Variants in PRICKLE4 observed in about 807,000 individuals in gnomAD.
The protein encoded by PRICKLE4 is prickle planar cell polarity protein 4.
PRICKLE4 carries 40 observed loss-of-function variants against 43.5 expected under a neutral mutation model. That is an observed-to-expected ratio of 0.92 (90% CI 0.71 to 1.20). The LOEUF (loss-of-function observed/expected upper bound fraction) is 1.20, where lower values mean the gene tolerates loss of function less well. Among genes scored for constraint, PRICKLE4 ranks in the 50% most tolerant of loss-of-function variants. The pLI is 0.00. For synonymous variants in PRICKLE4, 208 were observed against 197.4 expected, an observed-to-expected ratio of 1.05 and a Z score of -0.45; for missense variants, 527 against 491.2, an observed-to-expected ratio of 1.07 and a Z score of -0.69.
At chr6:41,781,703 C>T (rs1424161057) in intron 2 of PRICKLE4, among the ~76,000 whole-genome samples, 183 bp downstream of exon 2, 1 of 152,144 alleles carries the variant, frequency 6.6e-6, no homozygotes. Flanking sequence ...GATGATGACC[C>T]TCCTGTGCCC....
Position 41,787,066 on chromosome 6 carries a change from G to A in PRICKLE4, c.1092G>A (p.Lys364=). 6.2e-7 allele frequency: 1 copy of A among 1,613,426 alleles called. No individual in the cohort carries two copies. The highest frequency in any genetic ancestry group is 8.5e-7 in the Non-Finnish European group (1 of 1,180,012). ...GCGAGCGCCTTCCCCAGTCCTGGAA[G>A]ACCCCCGGAAGCCTCCAAGCAGAGG... ...FLGERLPQSW[K]TPGSLQAEDS... is the part of the protein sequence containing the mutation. The change falls in exon 8 of 8, where the codon AAG becomes AAA. Residue 364 remains lysine, a synonymous_variant. Transcript: ENST00000458694.
rs770166651 is a variant in PRICKLE4, at chr6:41,785,345, G to C, written c.387G>C (p.Glu129Asp). 2.7e-5 allele frequency: 44 copies of C among 1,613,836 alleles called. No homozygotes were observed. The highest frequency in any genetic ancestry group is 3.6e-5 in the Non-Finnish European group (43 of 1,179,988). Residue 129 changes from glutamate to aspartate, a missense_variant, in exon 6 of 8, where the codon GAG becomes GAC. Glu to Asp is a conservative substitution (Grantham distance 45, BLOSUM62 2). Transcript: ENST00000458694. Reference protein sequence around the residue: ...LEGHTCEKCRELLKPGEYGVF... With the variant: ...LEGHTCEKCRDLLKPGEYGVF... ...CACCTCCCCTCTGACAGTGTAGGGA[G>C]CTGCTGAAGCCAGGGGAGTACGGAG...
chr6:41,787,243 G>C lies in PRICKLE4; in HGVS notation c.*114G>C, dbSNP rs1581980928. ...CTGAGACGCAGTCAGGCGCACGCCC[G>C]CAAGAGGCGGCGAGGTGACAAGTTT... On this transcript the variant is annotated 3_prime_UTR_variant, in exon 8 of 8. Transcript: ENST00000458694. 7.1e-7 allele frequency: 1 copy of C among 1,407,924 alleles called. No homozygotes were observed. Among genetic ancestry groups the C allele is most frequent in the South Asian group, 1.5e-5 (1 of 67,480 alleles). The allele number at this position is 1,407,924 out of a possible 1,614,324, so 87.2% of individuals were successfully genotyped here. A position where few individuals can be genotyped will look rare whatever the true frequency, so the allele number is the denominator to read the frequency against.
intron 7 of PRICKLE4, 36 bp downstream of exon 7, chr6:41,786,368 C>A (rs1203885577): frequency 1.3e-6 from 2 of 1,539,342 alleles, no homozygotes; most frequent in Admixed American, 3.8e-5. Context: ...CGGGAGGGAG[C>A]TTGGGCTGGG....
rs768031644 is a variant in PRICKLE4 at position 41,783,818 on chromosome 6, G to A, written c.132+213G>A. The A allele has an allele frequency of 4.7e-5, 37 of 790,480 alleles. 1 individual carries two copies. Among genetic ancestry groups the A allele is most frequent in the South Asian group, 4.4e-4 (30 of 68,148 alleles). The allele number at this position is 790,480 out of a possible 1,614,324, so 49.0% of individuals were successfully genotyped here. A position where few individuals can be genotyped will look rare whatever the true frequency, so the allele number is the denominator to read the frequency against. ...GAGTATTCATTATCTCTCCTAGGGG[G>A]TCTGTATTGTCAAACCAGACTCTAG... On this transcript the variant is annotated intron_variant, in intron 3 of 7. Transcript: ENST00000458694.
At chr6:41,784,775 C>T (rs528563112) in intron 4 of PRICKLE4, 160 bp from the exon 5 acceptor site, 2 of 969,624 alleles carry the variant, frequency 2.1e-6, no homozygotes, top group East Asian at 5.0e-5. Context: ...TCTTGAGCTC[C>T]TTTCCTTTTC....
chr6:41,782,940 G>A (rs12529163), intron 2 of PRICKLE4, among the ~76,000 whole-genome samples: 3,857 of 152,046 alleles, frequency 0.025, 307 homozygotes, highest in East Asian at 0.15. Flanking sequence ...GGGAGAGCTG[G>A]TGTGGTCACA....
intron 5 of PRICKLE4, 86 bp from the exon 6 acceptor site, chr6:41,785,251 C>CA: frequency 6.6e-7 from 1 of 1,524,142 alleles, no homozygotes; most frequent in Non-Finnish European, 9.0e-7. Context: ...ATGGCGAGAA[C>CA]AGGTTGGGAT....
At chr6:41,783,106 G>C (rs1414071534) in intron 2 of PRICKLE4, among the ~76,000 whole-genome samples, 2 of 152,190 alleles carry the variant, frequency 1.3e-5, no homozygotes. Context: ...AGGCTGATGA[G>C]GTAAGGAGAG....
At chr6:41,786,618 CTGGCGAG>C in intron 7 of PRICKLE4, 137 bp from the exon 8 acceptor site, 1 of 1,360,612 alleles carries the variant, frequency 7.3e-7, no homozygotes, top group Non-Finnish European at 9.9e-7. Flanking sequence ...GCGGGGGACC[CTGGCGAG>C]GACTCTCGGC....
intron 2 of PRICKLE4, among the ~76,000 whole-genome samples, chr6:41,782,837 A>G (rs1772576306): frequency 6.6e-6 from 1 of 152,210 alleles, no homozygotes; most frequent in Admixed American, 6.5e-5. Flanking sequence ...GAACTTATAG[A>G]CTAGATTAGG....
At chr6:41,786,456 C>G in intron 7 of PRICKLE4, 124 bp downstream of exon 7, 1 of 1,161,596 alleles carries the variant, frequency 8.6e-7, no homozygotes, top group Non-Finnish European at 1.2e-6. Context: ...CCCCACCGCA[C>G]CCCCCAGACC....
intron 4 of PRICKLE4, 139 bp downstream of exon 4, chr6:41,784,377 C>T (rs922709137): frequency 6.0e-6 from 4 of 671,396 alleles, no homozygotes; most frequent in Non-Finnish European, 7.4e-6. Flanking sequence ...GCGTCATTCT[C>T]CCCCTGCCTG....
At chr6:41,783,695 C>T in intron 3 of PRICKLE4, 90 bp downstream of exon 3, 1 of 1,567,634 alleles carries the variant, frequency 6.4e-7, no homozygotes, top group East Asian at 2.2e-5. Context: ...GGTAGTTTGA[C>T]TTCGTGCCTA....
chr6:41,786,020 T>C (rs2127307299), intron 6 of PRICKLE4, 108 bp from the exon 7 acceptor site: 1 of 1,173,722 alleles, frequency 8.5e-7, no homozygotes, highest in African/African-American at 1.5e-5. Flanking sequence ...TAAATGGGAA[T>C]GTGTGCAGAC....
chr6:41,783,638 C>T (rs772718816), intron 3 of PRICKLE4, 33 bp downstream of exon 3: 2 of 1,613,498 alleles, frequency 1.2e-6, no homozygotes, highest in Admixed American at 1.7e-5. Context: ...CTGAGACCAA[C>T]ATGTCCTCTA....
At position 41,787,139 on chromosome 6, in the gene PRICKLE4, TCAGAGAGG is replaced by T; in HGVS notation, c.*11_*18del. On this transcript the variant is annotated 3_prime_UTR_variant, in exon 8 of 8. Coordinates refer to ENST00000458694, the MANE Select transcript of PRICKLE4 (RefSeq NM_013397.6). ...CTGCACCATGTGCTAGTGGCGCAGC[TCAGAGAGG>T]GGATGTGAGTGGGAGGAAAGGGGTC... is the stretch of plus-strand genomic sequence containing the variant. The T allele has an allele frequency of 6.3e-7, 1 of 1,590,996 alleles. No homozygotes were observed.
chr6:41,786,323 GCATT>G lies in PRICKLE4; in HGVS notation c.780_783del (p.Phe261LeufsTer17), dbSNP rs1772647163. ...CTGGGCCGGGGCACTGGAAGGGCAG[GCATT>G]CCTTGGTAAGGGAGAGGATGCAGAG... is the stretch of plus-strand genomic sequence containing the variant. On this transcript the variant is annotated frameshift_variant, in exon 7 of 8. Transcript: ENST00000458694. LOFTEE classifies it high-confidence loss of function. 2 of 1,561,604 alleles carry G rather than the reference GCATT, an allele frequency of 1.3e-6. No individual in the cohort carries two copies. The highest frequency in any genetic ancestry group is 4.5e-5 in the East Asian group (2 of 44,148).
intron 3 of PRICKLE4, 43 bp downstream of exon 3, chr6:41,783,648 A>C (rs758879787): frequency 3.7e-6 from 6 of 1,613,782 alleles, no homozygotes; most frequent in Non-Finnish European, 5.1e-6. Context: ...CATGTCCTCT[A>C]TCCTGTGGAG....
Sources: allele counts gnomAD v4.1 joint callset (sites outside exome capture counted in the v4.1 genomes callset), GRCh38; gene constraint gnomAD v4.1.1; transcripts MANE v1.5; gene names NCBI Gene and HGNC (gene_info 2026-07-23, HGNC 2026-07-21).